Variants in DDB1 observed in about 807,000 individuals in gnomAD.
The protein encoded by DDB1 is DNA damage-binding protein 1.
Under a neutral mutation model 133.1 loss-of-function variants are expected in DDB1, and 18 were observed. That is an observed-to-expected ratio of 0.14 (90% CI 0.09 to 0.20). The LOEUF (loss-of-function observed/expected upper bound fraction) is 0.20. Among genes scored for constraint, DDB1 ranks in the 10% least tolerant of loss-of-function variants. The pLI, the probability that DDB1 is intolerant of heterozygous loss-of-function variation, is 1.00. For missense variants in DDB1, 828 were observed against 1,459.2 expected (o/e 0.57, Z 7.05); for synonymous variants, 580 against 550.5 (o/e 1.05, Z -0.75).
chr11:61,317,894 T>C (rs1449794707), intron 10 of DDB1, among the ~76,000 whole-genome samples: 4 of 152,156 alleles, frequency 2.6e-5, no homozygotes, highest in Non-Finnish European at 4.4e-5. Flanking sequence ...TAAAGGCATC[T>C]TGTTTAGCCT....
chr11:61,312,585 C>T (rs1445815165), intron 16 of DDB1, among the ~76,000 whole-genome samples: 1 of 149,026 alleles, frequency 6.7e-6, no homozygotes, highest in South Asian at 2.2e-4. Flanking sequence ...TCTAAGCTCA[C>T]TGCAACCTCC....
At position 61,300,235 on chromosome 11, in the gene DDB1, G is replaced by A; in HGVS notation, c.3340-16C>T. 2 of 1,613,256 alleles carry A rather than the reference G, an allele frequency of 1.2e-6. No homozygotes were observed. The highest frequency in any genetic ancestry group is 2.2e-5 in the East Asian group (1 of 44,870). On this transcript the variant is annotated splice_polypyrimidine_tract_variant and intron_variant, in intron 26 of 26. Transcript: ENST00000301764. ...CATCGTCATACTGCAATGAGAAGAT[G>A]GGCGGGGCTGTGAGGACCAAGAGGG...
rs146394965 is a variant in DDB1, at chr11:61,299,796, T to TACAC, written c.*336_*339dup. The TACAC allele has an allele frequency of 5.4e-6, 2 of 368,950 alleles. No individual in the cohort carries two copies. Among genetic ancestry groups the TACAC allele is most frequent in the South Asian group, 2.6e-5 (1 of 38,328 alleles). The allele number at this position is 368,950 out of a possible 1,614,324, so 22.9% of individuals were successfully genotyped here. ...TGAGATACACATACACACACACACA[T>TACAC]ACACACACACACACGCACAGCTTCC... On this transcript the variant is annotated 3_prime_UTR_variant, in exon 27 of 27. Transcript: ENST00000301764.
intron 16 of DDB1, 101 bp downstream of exon 16, chr11:61,313,398 T>C (rs746449388): frequency 9.2e-6 from 10 of 1,090,690 alleles, no homozygotes; most frequent in Non-Finnish European, 1.1e-5. Flanking sequence ...ATCTCAGTTA[T>C]GATTTTGACA....
intron 10 of DDB1, among the ~76,000 whole-genome samples, chr11:61,317,640 G>A (rs1856113704): frequency 6.6e-6 from 1 of 151,622 alleles, no homozygotes; most frequent in South Asian, 2.1e-4. Context: ...CTGAGTAGCT[G>A]GGACTACAGG....
At chr11:61,323,313 A>AT (rs1856215633) in intron 7 of DDB1, 1 of 558,606 alleles carries the variant, frequency 1.8e-6, no homozygotes, top group Admixed American at 3.0e-5. Context: ...AAAAATCTAT[A>AT]ATTTGTCTTG....
chr11:61,328,526 G>A (rs891636190), intron 4 of DDB1, among the ~76,000 whole-genome samples: 1 of 152,184 alleles, frequency 6.6e-6, no homozygotes, highest in African/African-American at 2.4e-5. Flanking sequence ...CCAGAGAACA[G>A]CTGCCCAGGA....
chr11:61,318,853 A>G (rs576515242), intron 10 of DDB1, among the ~76,000 whole-genome samples: 1 of 152,298 alleles, frequency 6.6e-6, no homozygotes, highest in South Asian at 2.1e-4. Context: ...ATGAACCCAA[A>G]CTTGTCTTTT....
chr11:61,303,427 G>A (rs913509360), intron 22 of DDB1: 5 of 370,008 alleles, frequency 1.4e-5, no homozygotes, highest in Admixed American at 8.4e-5. Flanking sequence ...AGTGGCTCAC[G>A]CCTGTAATCC....
In DDB1 at chr11:61,311,835, G is replaced by T. The variant is rs1443505866; in HGVS notation, c.2226C>A (p.Val742=). The T allele has an allele frequency of 6.2e-7, 1 of 1,614,062 alleles. No homozygotes were observed. Among genetic ancestry groups the T allele is most frequent in the East Asian group, 2.2e-5 (1 of 44,884 alleles). ...CFGVLSSRIE[V]QDTSGGTTAL... is the part of the protein sequence containing the mutation. ...CTGTCGTGCCCCCACTCGTGTCTTG[G>T]ACTTCAATGCGGCTGGAGAGGACCC... The change falls in exon 18 of 27, where the codon GTC becomes GTA. Residue 742 remains valine (V), a synonymous_variant. Transcript: ENST00000301764.
chr11:61,316,976 T>TATATATATATATAC lies in DDB1; in HGVS notation c.1226-410_1226-409insGTATATATATATAT, dbSNP rs1565034289. On this transcript the variant is annotated intron_variant, in intron 10 of 26. Coordinates refer to ENST00000301764, the MANE Select transcript of DDB1 (RefSeq NM_001923.5). ...ATATATATATATATATATATATATATATATATATATATATATATATATAGA... is the reference window on the plus strand; with the variant it reads ...ATATATATATATATATATATATATATATATATATATATACATATATATATATATATATATATAGA... Among the ~76,000 whole-genome samples, 14 of 56,598 alleles carry TATATATATATATAC rather than the reference T, an allele frequency of 2.5e-4. 1 individual carries two copies. Among genetic ancestry groups the TATATATATATATAC allele is most frequent in the Non-Finnish European group, 4.9e-4 (13 of 26,382 alleles). The allele number at this position is 56,598 out of a possible 152,430, so 37.1% of individuals were successfully genotyped here.
intron 21 of DDB1, among the ~76,000 whole-genome samples, chr11:61,305,507 T>A (rs1855869544): frequency 6.6e-6 from 1 of 152,116 alleles, no homozygotes; most frequent in Non-Finnish European, 1.5e-5. Flanking sequence ...CTCCATCTCA[T>A]AAATAAACAC....
chr11:61,301,148 TAGTTTTTAAA>T (rs1855786273), intron 25 of DDB1: 1 of 619,062 alleles, frequency 1.6e-6, no homozygotes, highest in East Asian at 3.2e-5. Context: ...ATCTTCAAAA[TAGTTTTTAAA>T]AGTACAGATC....
Position 61,323,139 on chromosome 11 carries a change from C to T in DDB1, c.922-45G>A, listed in dbSNP as rs201453079. On this transcript the variant is annotated intron_variant, in intron 7 of 26. Transcript: ENST00000301764. ...GTGAAAGAAATGAGAATGGACCCTA[C>T]GTGGGATCCAGATACTACCCACATC... The T allele has an allele frequency of 3.0e-5, 45 of 1,520,116 alleles. No homozygotes were observed. The African/African-American group carries it at 5.5e-4, about 18-fold the overall frequency. 94.2% of individuals were successfully genotyped at this position (1,520,116 alleles called of 1,614,324 possible).
intron 19 of DDB1, 71 bp from the exon 20 acceptor site, chr11:61,310,031 C>T (rs1404978238): frequency 4.4e-6 from 7 of 1,600,164 alleles, no homozygotes; most frequent in Non-Finnish European, 6.0e-6. Flanking sequence ...CCCCGTATTT[C>T]TGAGGCCTGT....
At position 61,316,968 on chromosome 11, in the gene DDB1, T is replaced by G. The variant is rs376580616; in HGVS notation, c.1226-401A>C. Among the ~76,000 whole-genome samples the G allele has an allele frequency of 8.9e-4, 34 of 38,232 alleles. 2 individuals carry two copies. The highest frequency in any genetic ancestry group is 1.3e-3 in the East Asian group (2 of 1,594). 25.1% of individuals were successfully genotyped at this position (38,232 alleles called of 152,430 possible). A position where few individuals can be genotyped will look rare whatever the true frequency, so the allele number is the denominator to read the frequency against. Reference sequence around the variant, plus strand: ...ATAGATATATATATATATATATATATATATATATATATATATATATATATA... The same window carrying G: ...ATAGATATATATATATATATATATAGATATATATATATATATATATATATA... On this transcript the variant is annotated intron_variant, in intron 10 of 26. Transcript: ENST00000301764.
At chr11:61,326,549 A>C (rs1446001193) in intron 5 of DDB1, among the ~76,000 whole-genome samples, 3 of 152,192 alleles carry the variant, frequency 2.0e-5, no homozygotes, top group Non-Finnish European at 4.4e-5. Flanking sequence ...CCTCCACCCA[A>C]GTAAAAGACA....
intron 13 of DDB1, 46 bp from the exon 14 acceptor site, chr11:61,314,256 G>A (rs55646947): frequency 1.3e-6 from 2 of 1,592,508 alleles, no homozygotes; most frequent in South Asian, 1.1e-5. Flanking sequence ...AAGGCTCAAA[G>A]AAGTCCTAGA....
Position 61,323,036 on chromosome 11 carries a change from C to T in DDB1, c.980G>A (p.Arg327His). ...CTTCACAAGCTGGGAGTCACCCAGG[C>T]GAGACCCGACAAACACAACACCATT... ...LDNGVVFVGS[R>H]LGDSQLVKLN... is the part of the protein sequence containing the mutation. Residue 327 changes from arginine to histidine, a missense_variant, in exon 8 of 27, where the codon CGC becomes CAC. By Grantham distance (29) the Arg-to-His change is conservative (BLOSUM62 0). This residue lies in a region of DDB1 where 35 missense variants were observed against 123.3 expected (regional missense o/e 0.28). Transcript: ENST00000301764. The T allele has an allele frequency of 6.2e-7, 1 of 1,613,844 alleles. No individual in the cohort carries two copies.
Sources: gnomAD v4.1 joint callset for allele counts (sites outside exome capture counted in the v4.1 genomes callset) on GRCh38, gnomAD v4.1.1 for gene constraint, gnomAD v4.1.1 regional missense constraint, MANE v1.5 for transcripts, NCBI Gene and HGNC (gene_info 2026-07-23, HGNC 2026-07-21) for gene names.